Variants in DMD observed in about 807,000 individuals in gnomAD.
The protein encoded by DMD is mutant dystrophin.
DMD carries 63 observed loss-of-function variants against 330.1 expected under a neutral mutation model. The observed-to-expected ratio is 0.19, with a 90% CI of 0.16 to 0.24. The LOEUF (loss-of-function observed/expected upper bound fraction) is 0.24. Ranked by LOEUF, DMD falls within the 10% of genes least tolerant of loss-of-function variation. DMD has a pLI of 1.00. For missense variants in DMD, 3,344 were observed against 2,684.1 expected, an observed-to-expected ratio of 1.25 and a Z score of -5.43; for synonymous variants, 1,223 against 959.8, an observed-to-expected ratio of 1.27 and a Z score of -5.07.
At chrX:32,087,622 A>G (rs775567011) in intron 44 of DMD, among the ~76,000 whole-genome samples, 3 of 112,079 alleles carry the variant, frequency 2.7e-5, no homozygotes, top group Non-Finnish European at 5.6e-5. Flanking sequence ...TCTCCTGATG[A>G]CTGGTTCTAG....
intron 1 of DMD, among the ~76,000 whole-genome samples, chrX:33,057,040 A>T (rs944019842): frequency 2.7e-5 from 3 of 111,941 alleles, no homozygotes; most frequent in Non-Finnish European, 5.6e-5. Flanking sequence ...ACGTGTAAGT[A>T]CATATTGATC....
At chrX:31,146,203 A>C in intron 76 of DMD, 88 bp downstream of exon 76, 3 of 1,090,631 alleles carry the variant, frequency 2.8e-6, no homozygotes, top group Non-Finnish European at 3.8e-6. Flanking sequence ...AAGATGAGTC[A>C]AACACTTACG....
intron 48 of DMD, among the ~76,000 whole-genome samples, chrX:31,843,854 A>G (rs111412802): frequency 5.9e-4 from 65 of 110,580 alleles, no homozygotes; most frequent in African/African-American, 1.9e-3. Flanking sequence ...ATTTTATTGT[A>G]TTGTATTGTA....
intron 1 of DMD, among the ~76,000 whole-genome samples, chrX:33,058,480 T>G (rs2148057478): frequency 9.2e-6 from 1 of 108,835 alleles, no homozygotes; most frequent in South Asian, 4.0e-4. Context: ...TATTTTTTTT[T>G]TTTGTAGAGA....
At chrX:32,232,907 G>A (rs891874663) in intron 43 of DMD, among the ~76,000 whole-genome samples, 3 of 111,655 alleles carry the variant, frequency 2.7e-5, no homozygotes, top group African/African-American at 9.8e-5. Flanking sequence ...AAAAAATAAA[G>A]AATAACATGA....
At chrX:32,089,925 T>A (rs758539147) in intron 44 of DMD, among the ~76,000 whole-genome samples, 1 of 112,026 alleles carries the variant, frequency 8.9e-6, no homozygotes, top group Non-Finnish European at 1.9e-5. Context: ...TAAGTGTTCC[T>A]ATTAAGAGAT....
rs5972589 is a variant in DMD at position 32,504,386 on chromosome X, G to T, written c.2293-2544C>A. 8.5e-3 allele frequency among the ~76,000 whole-genome samples: 944 copies of T among 111,043 alleles called. 11 individuals carry two copies. The highest frequency in any genetic ancestry group is 0.03 in the African/African-American group (904 of 30,512). On this transcript the variant is annotated intron_variant, in intron 18 of 78. Coordinates refer to ENST00000357033, the MANE Select transcript of DMD (RefSeq NM_004006.3). ...CACCTGTAATCCCAGCACTTTGGGG[G>T]GCCAACGCGGGTGGATCACCTGAGG...
At chrX:32,898,208 G>C (rs905095499) in intron 2 of DMD, among the ~76,000 whole-genome samples, 1 of 111,893 alleles carries the variant, frequency 8.9e-6, no homozygotes, top group African/African-American at 3.2e-5. Context: ...AAGTCAAACT[G>C]GGATTCTGAA....
chrX:32,363,485 CAT>C (rs1436016473), intron 36 of DMD, among the ~76,000 whole-genome samples: 1 of 111,909 alleles, frequency 8.9e-6, no homozygotes, highest in African/African-American at 3.3e-5. Context: ...TTTTCTGTCA[CAT>C]ACAGAGGTAC....
intron 2 of DMD, among the ~76,000 whole-genome samples, chrX:32,927,523 C>A (rs1445635589): frequency 9.1e-6 from 1 of 109,548 alleles, no homozygotes; most frequent in African/African-American, 3.3e-5. Context: ...CTCAGGTGAC[C>A]CGCTGCCTCG....
intron 51 of DMD, among the ~76,000 whole-genome samples, chrX:31,772,249 C>T (rs932052241): frequency 7.2e-5 from 8 of 111,868 alleles, no homozygotes; most frequent in African/African-American, 2.6e-4. Context: ...TGACAAACTG[C>T]AAGGCAGATA....
intron 27 of DMD, among the ~76,000 whole-genome samples, chrX:32,442,373 A>G (rs957089212): frequency 2.7e-5 from 3 of 111,149 alleles, no homozygotes; most frequent in African/African-American, 9.7e-5. Context: ...CAAAATCTTA[A>G]AGAGAAATAT....
chrX:32,243,364 C>A lies in DMD; in HGVS notation c.6291-26301G>T, dbSNP rs773804398. Among the ~76,000 whole-genome samples, 9 of 111,654 alleles carry A rather than the reference C, an allele frequency of 8.1e-5. No homozygotes were observed. The South Asian group carries it at 3.4e-3, about 42-fold the overall frequency. On this transcript the variant is annotated intron_variant, in intron 43 of 78. Coordinates refer to ENST00000357033, the MANE Select transcript of DMD (RefSeq NM_004006.3). ...AAAGCAAGTATTAAAACCTAAGGAACAAACTCTCCTGTGATATTTACTGGC... is the reference window on the plus strand; with the variant it reads ...AAAGCAAGTATTAAAACCTAAGGAAAAAACTCTCCTGTGATATTTACTGGC...
intron 1 of DMD, among the ~76,000 whole-genome samples, chrX:33,163,232 T>C (rs755065560): frequency 2.7e-5 from 3 of 111,291 alleles, no homozygotes; most frequent in Non-Finnish European, 5.6e-5. Flanking sequence ...ACCTCTTCAG[T>C]AAAGACAACT....
chrX:33,313,989 A>ATATG (rs1215545427), intron 1 of DMD, among the ~76,000 whole-genome samples: 2 of 108,012 alleles, frequency 1.9e-5, no homozygotes, highest in East Asian at 5.9e-4. Flanking sequence ...TGTCATATAT[A>ATATG]TGTGTGTGTG....
Position 32,279,712 on chromosome X carries a change from C to CA in DMD, c.6290+7816dup, listed in dbSNP as rs1456276213. On this transcript the variant is annotated intron_variant, in intron 43 of 78. Coordinates refer to ENST00000357033, the MANE Select transcript of DMD (RefSeq NM_004006.3). ...GGGAGGTTGAAATGGTTACTTGGTA[C>CA]AAAAAATAGTTAGAAAGAATGAACA... 4.6e-5 allele frequency among the ~76,000 whole-genome samples: 5 copies of CA among 108,401 alleles called. No individual in the cohort carries two copies. The Admixed American group carries it at 5.0e-4, about 11-fold the overall frequency. 94.1% of individuals were successfully genotyped at this position (108,401 alleles called of 115,157 possible). A position where few individuals can be genotyped will look rare whatever the true frequency, so the allele number is the denominator to read the frequency against.
chrX:32,781,227 C>G lies in DMD; in HGVS notation c.649+28266G>C, dbSNP rs145885746. Among the ~76,000 whole-genome samples, 969 of 110,132 alleles carry G rather than the reference C, an allele frequency of 8.8e-3. 10 individuals carry two copies. Among genetic ancestry groups the G allele is most frequent in the African/African-American group, 0.03 (914 of 30,224 alleles). On this transcript the variant is annotated intron_variant, in intron 7 of 78. Transcript: ENST00000357033. ...AGTCACCACCAATAACAGGACTGAA[C>G]AAGTCTACAACTACCTACAGCATTG...
intron 7 of DMD, among the ~76,000 whole-genome samples, chrX:32,734,445 G>A (rs1163554271): frequency 2.3e-4 from 25 of 107,140 alleles, no homozygotes; most frequent in Non-Finnish European, 4.2e-4. Flanking sequence ...ACGAAAGCCT[G>A]GCAGAGACAC....
At chrX:31,213,607 G>A (rs916980954) in intron 64 of DMD, among the ~76,000 whole-genome samples, 6 of 112,002 alleles carry the variant, frequency 5.4e-5, no homozygotes, top group Admixed American at 2.8e-4. Context: ...CCTATGCTGT[G>A]AGGCAGGCTG....
Sources: gnomAD v4.1 joint callset for allele counts (sites outside exome capture counted in the v4.1 genomes callset) on GRCh38, gnomAD v4.1.1 for gene constraint, MANE v1.5 for transcripts, NCBI Gene and HGNC (gene_info 2026-07-23, HGNC 2026-07-21) for gene names.